DAPK1: variants seen among roughly 807,000 people sequenced by gnomAD.
DAPK1 encodes the protein death associated protein kinase 1, also known as death-associated protein kinase 1.
Under a neutral mutation model 144.9 loss-of-function variants are expected in DAPK1, and 56 were observed. The observed-to-expected ratio is 0.39, with a 90% CI of 0.31 to 0.48. The LOEUF is 0.48. Ranked by LOEUF, DAPK1 falls within the 20% of genes least tolerant of loss-of-function variation. The pLI is 0.95. For missense variants in DAPK1, 1,454 were observed against 1,875.4 expected, an observed-to-expected ratio of 0.78 and a Z score of 4.15; for synonymous variants, 690 against 749.0, an observed-to-expected ratio of 0.92 and a Z score of 1.29.
intron 3 of DAPK1, among the ~76,000 whole-genome samples, chr9:87,630,447 G>A (rs571936848): frequency 5.3e-5 from 8 of 152,270 alleles, no homozygotes; most frequent in Admixed American, 5.2e-4. Flanking sequence ...CAGTGACTCA[G>A]GGATCTACAT....
rs1488960729 is a variant in DAPK1, at chr9:87,706,665, C to T, written c.3594C>T (p.Val1198=). The change falls in exon 26 of 26, where the codon GTC becomes GTT. Residue 1198 remains valine, a synonymous_variant. Transcript: ENST00000408954. The surrounding 1 kb of genome is among the most constrained non-coding windows in gnomAD (Gnocchi z 9.0). ...VNHGQGIEVQ[V]RGLETEKIKC... ...ACGGCCAGGGCATTGAGGTCCAGGT[C>T]CGCGGCCTGGAGACGGAGAAGATCA... The T allele has an allele frequency of 6.2e-7, 1 of 1,612,352 alleles. No individual in the cohort carries two copies. Among genetic ancestry groups the T allele is most frequent in the Admixed American group, 1.7e-5 (1 of 59,992 alleles).
intron 2 of DAPK1, among the ~76,000 whole-genome samples, chr9:87,567,864 C>A (rs1171694836): frequency 1.3e-5 from 2 of 152,184 alleles, no homozygotes; most frequent in Non-Finnish European, 2.9e-5. Flanking sequence ...TTTCCATGGG[C>A]ATACTGCTCC....
chr9:87,567,354 A>G (rs761005235), intron 2 of DAPK1, among the ~76,000 whole-genome samples: 2 of 152,096 alleles, frequency 1.3e-5, no homozygotes, highest in African/African-American at 4.8e-5. Context: ...TACTTAACTG[A>G]TAATATAGGG....
intron 13 of DAPK1, 140 bp from the exon 14 acceptor site, chr9:87,647,165 G>A: frequency 1.4e-6 from 1 of 707,752 alleles, no homozygotes; most frequent in South Asian, 1.7e-5. Flanking sequence ...AAAATAGAAT[G>A]AGGGTTTTAT....
intron 2 of DAPK1, among the ~76,000 whole-genome samples, chr9:87,517,135 G>T (rs1447234627): frequency 6.6e-6 from 1 of 151,800 alleles, no homozygotes; most frequent in Non-Finnish European, 1.5e-5. Flanking sequence ...GGAGAGTGAA[G>T]AATGCGATTG....
chr9:87,700,693 G>T (rs953792053), intron 24 of DAPK1, among the ~76,000 whole-genome samples: 2 of 151,932 alleles, frequency 1.3e-5, no homozygotes, highest in Non-Finnish European at 2.9e-5. Context: ...TAGAGACAGG[G>T]TCTTACTATG....
chr9:87,504,687 C>T (rs966173374), intron 2 of DAPK1, among the ~76,000 whole-genome samples: 6 of 152,238 alleles, frequency 3.9e-5, no homozygotes, highest in East Asian at 1.9e-4. Context: ...GTATCCATGG[C>T]GGATTAGTTC....
intron 3 of DAPK1, among the ~76,000 whole-genome samples, chr9:87,616,533 AC>A (rs1361216111): frequency 6.6e-6 from 1 of 152,216 alleles, no homozygotes; most frequent in Non-Finnish European, 1.5e-5. Flanking sequence ...AGAGCAAAGT[AC>A]CCCATCCTCT....
intron 2 of DAPK1, among the ~76,000 whole-genome samples, chr9:87,553,147 G>C (rs1826560011): frequency 6.6e-6 from 1 of 152,014 alleles, no homozygotes; most frequent in Non-Finnish European, 1.5e-5. Context: ...TGATATTGTT[G>C]ATATTTAAGT....
intron 18 of DAPK1, among the ~76,000 whole-genome samples, chr9:87,664,497 T>C (rs1830982031): frequency 6.6e-6 from 1 of 152,154 alleles, no homozygotes; most frequent in Non-Finnish European, 1.5e-5. Flanking sequence ...CTCCTCCTCA[T>C]CCATCAACAT....
intron 2 of DAPK1, among the ~76,000 whole-genome samples, chr9:87,552,317 C>G (rs540960385): frequency 8.9e-6 from 1 of 111,866 alleles, no homozygotes; most frequent in South Asian, 2.4e-4. Context: ...CTGACCCCAT[C>G]TTAAAGAGGA....
In DAPK1 at chr9:87,567,791, G is replaced by A. The variant is rs150191268; in HGVS notation, c.63-37163G>A. On this transcript the variant is annotated intron_variant, in intron 2 of 25. Transcript: ENST00000408954. Reference sequence around the variant, plus strand: ...ACCCCACCGGACCTCCCTCCATGGCGTCCCTCCCAAGCATGACTCAAGGGT... The same window carrying A: ...ACCCCACCGGACCTCCCTCCATGGCATCCCTCCCAAGCATGACTCAAGGGT... Among the ~76,000 whole-genome samples the A allele has an allele frequency of 3.6e-3, 545 of 152,254 alleles. 4 individuals carry two copies. The highest frequency in any genetic ancestry group is 0.01 in the African/African-American group (418 of 41,552).
In DAPK1 at chr9:87,638,750, G is replaced by A. The variant is rs36211347; in HGVS notation, c.424-604G>A. Among the ~76,000 whole-genome samples the A allele has an allele frequency of 6.5e-3, 983 of 152,304 alleles. 24 individuals carry two copies. The highest frequency in any genetic ancestry group is 0.064 in the East Asian group (333 of 5,178). Reference sequence around the variant, plus strand: ...AGCTGGGATAGGATTTCAGAGGAGGGAGGATTTTCCCCATTCTTCTGTAGC... The same window carrying A: ...AGCTGGGATAGGATTTCAGAGGAGGAAGGATTTTCCCCATTCTTCTGTAGC... On this transcript the variant is annotated intron_variant, in intron 4 of 25. Transcript: ENST00000408954.
At chr9:87,660,121 G>A (rs1244615689) in intron 18 of DAPK1, among the ~76,000 whole-genome samples, 2 of 152,272 alleles carry the variant, frequency 1.3e-5, no homozygotes, top group Non-Finnish European at 2.9e-5. Flanking sequence ...CCCTGTTCAG[G>A]ACCGGAGCTC....
rs767594068 is a variant in DAPK1 at position 87,706,770 on chromosome 9, G to A, written c.3699G>A (p.Val1233=). ...CCACGCTGCCAGGGCTCCTGACCGT[G>A]AAGCATTACCTGAGCCCCCAGCAGC... ...MATTLPGLLT[V]KHYLSPQQLR... The change falls in exon 26 of 26, where the codon GTG becomes GTA. Residue 1233 remains valine, a synonymous_variant. Transcript: ENST00000408954. The surrounding 1 kb of genome is among the most constrained non-coding windows in gnomAD (Gnocchi z 9.0). 9 of 1,613,586 alleles carry A rather than the reference G, an allele frequency of 5.6e-6. No individual in the cohort carries two copies. Among genetic ancestry groups the A allele is most frequent in the Non-Finnish European group, 7.6e-6 (9 of 1,179,914 alleles).
chr9:87,561,723 T>G (rs982680518), intron 2 of DAPK1, among the ~76,000 whole-genome samples: 5 of 152,180 alleles, frequency 3.3e-5, no homozygotes, highest in Non-Finnish European at 4.4e-5. Flanking sequence ...TGGAAGCCCC[T>G]TAGACAGCAG....
chr9:87,497,991 C>A lies in DAPK1; in HGVS notation c.-225C>A. ...CCGGCGCCTGGGAGGGATCTGCGCC[C>A]CCCACTCACTCCCTAGCTGTGTTCC... On this transcript the variant is annotated 5_prime_UTR_variant, in exon 1 of 26. Transcript: ENST00000408954. 2.5e-6 allele frequency: 1 copy of A among 397,448 alleles called. No individual in the cohort carries two copies. The highest frequency in any genetic ancestry group is 4.4e-6 in the Non-Finnish European group (1 of 225,586). The allele number at this position is 397,448 out of a possible 1,614,324, so 24.6% of individuals were successfully genotyped here. A position where few individuals can be genotyped will look rare whatever the true frequency, so the allele number is the denominator to read the frequency against.
intron 2 of DAPK1, among the ~76,000 whole-genome samples, chr9:87,509,655 C>T (rs949216500): frequency 5.9e-5 from 9 of 152,176 alleles, no homozygotes; most frequent in Non-Finnish European, 7.4e-5. Context: ...CCACCGCGCC[C>T]GGCCATCCTG....
At chr9:87,641,200 G>C (rs1002926399) in intron 9 of DAPK1, among the ~76,000 whole-genome samples, 3 of 152,192 alleles carry the variant, frequency 2.0e-5, no homozygotes, top group Non-Finnish European at 4.4e-5. Flanking sequence ...CTTCTCTTGG[G>C]AAATCTGAAG....
Sources: gnomAD v4.1 joint callset for allele counts (sites outside exome capture counted in the v4.1 genomes callset) on GRCh38, gnomAD v4.1.1 for gene constraint, Gnocchi (gnomAD v3.1) non-coding constraint, MANE v1.5 for transcripts, NCBI Gene and HGNC (gene_info 2026-07-23, HGNC 2026-07-21) for gene names.